The following CALCB variants were observed in gnomAD, a reference collection of about 807,000 sequenced individuals.
The protein encoded by CALCB is calcitonin related polypeptide beta.
In CALCB, 8 loss-of-function variants were observed where a neutral mutation model predicts 10.7. That is an observed-to-expected ratio of 0.75 (90% CI 0.44 to 1.34). The LOEUF (loss-of-function observed/expected upper bound fraction) is 1.34, where lower values mean the gene tolerates loss of function less well. CALCB is among the 40% of genes most tolerant of loss of function. The probability of loss-of-function intolerance (pLI) is 0.01; values close to 1 mark genes in which losing one functional copy is unlikely to be tolerated. For missense variants in CALCB, 176 were observed against 162.5 expected (o/e 1.08, Z -0.45); for synonymous variants, 76 against 66.9 (o/e 1.14, Z -0.66).
Position 15,078,396 on chromosome 11 carries a change from G to T in CALCB, c.*339G>T, listed in dbSNP as rs1850414404. The T allele has an allele frequency of 6.6e-6, 1 of 152,178 alleles. No homozygotes were observed. Among genetic ancestry groups the T allele is most frequent in the Non-Finnish European group, 1.5e-5 (1 of 68,034 alleles). 9.4% of individuals were successfully genotyped at this position (152,178 alleles called of 1,614,324 possible). On this transcript the variant is annotated 3_prime_UTR_variant, in exon 5 of 5. Transcript: ENST00000324229. ...AACCTTAGGGGGACGTGAAATCACT[G>T]CCTGTTGTGGTCTCCGAGGACACAT...
At chr11:15,075,480 A>G (rs1850385916) in intron 3 of CALCB, among the ~76,000 whole-genome samples, 2 of 152,346 alleles carry the variant, frequency 1.3e-5, no homozygotes, top group Admixed American at 1.3e-4. Flanking sequence ...GTGAAAACTG[A>G]TAGAAAATGA....
chr11:15,077,376 G>T lies in CALCB; in HGVS notation c.315G>T (p.Lys105Asn). The T allele has an allele frequency of 6.2e-7, 1 of 1,614,262 alleles. No individual in the cohort carries two copies. Among genetic ancestry groups the T allele is most frequent in the African/African-American group, 1.3e-5 (1 of 75,070 alleles). ...TGAGCAGATCAGGGGGCATGGTGAAGAGCAACTTCGTGCCCACCAATGTGG... is the reference window on the plus strand; with the variant it reads ...TGAGCAGATCAGGGGGCATGGTGAATAGCAACTTCGTGCCCACCAATGTGG... ...GLLSRSGGMV[K>N]SNFVPTNVGS... Residue 105 changes from lysine (K) to asparagine (N), a missense_variant, in exon 4 of 5, where the codon AAG (lysine) becomes AAT (asparagine). By Grantham distance (94) the Lys-to-Asn change is moderately conservative. Coordinates refer to ENST00000324229, the MANE Select transcript of CALCB (RefSeq NM_000728.4).
chr11:15,074,776 G>C lies in CALCB; in HGVS notation c.58G>C (p.Ala20Pro). ...TCTCAGTATCTTGGTCCTGTACCAGGCGGGCAGCCTCCAGGCGGCGCCATT... is the reference window on the plus strand; with the variant it reads ...TCTCAGTATCTTGGTCCTGTACCAGCCGGGCAGCCTCCAGGCGGCGCCATT... The part of the protein sequence containing the change: ...LALSILVLYQ[A>P]GSLQAAPFRS... The change falls in exon 2 of 5, where the codon GCG becomes CCG. Residue 20 changes from alanine to proline, a missense_variant. Ala to Pro is a conservative substitution (Grantham distance 27, BLOSUM62 -1). Coordinates refer to ENST00000324229, the MANE Select transcript of CALCB (RefSeq NM_000728.4). 1 of 1,614,014 alleles carries C rather than the reference G, an allele frequency of 6.2e-7. No homozygotes were observed. The highest frequency in any genetic ancestry group is 1.1e-5 in the South Asian group (1 of 91,048).
At chr11:15,074,685 T>C in intron 1 of CALCB, 25 bp from the exon 2 acceptor site, 1 of 1,568,472 alleles carries the variant, frequency 6.4e-7, no homozygotes, top group Non-Finnish European at 8.8e-7. Context: ...GCTGGTGCAG[T>C]AGTAACGTCA....
At position 15,074,729 on chromosome 11, in the gene CALCB, G is replaced by A. The variant is rs770182897; in HGVS notation, c.11G>A (p.Arg4Gln). The change falls in exon 2 of 5, where the codon CGG becomes CAG. Residue 4 changes from arginine (R) to glutamine (Q), a missense_variant. Arg to Gln is a conservative substitution (Grantham distance 43). Transcript: ENST00000324229. ...TTACAGAGAGGCGGCATGGGTTTCC[G>A]GAAGTTCTCCCCCTTCCTGGCTCTC... MGFRKFSPFLALSI... is the reference protein window; with the variant it reads MGFQKFSPFLALSI... 6 of 1,613,868 alleles carry A rather than the reference G, an allele frequency of 3.7e-6. No homozygotes were observed. The East Asian group carries it at 1.3e-4, about 36-fold the overall frequency.
At chr11:15,078,047 C>T (rs1407349320) in intron 4 of CALCB, 36 bp from the exon 5 acceptor site, 2 of 152,086 alleles carry the variant, frequency 1.3e-5, no homozygotes, top group Non-Finnish European at 2.9e-5. Context: ...TCCTCCCCTT[C>T]TTCTCCCTCC....
intron 4 of CALCB, among the ~76,000 whole-genome samples, chr11:15,077,772 C>A (rs201330401): frequency 6.6e-6 from 1 of 152,182 alleles, no homozygotes; most frequent in African/African-American, 2.4e-5. Context: ...TCAGAAAGGG[C>A]TCAACCCTTG....
At chr11:15,076,276 TCGG>T in intron 3 of CALCB, among the ~76,000 whole-genome samples, 1 of 152,298 alleles carries the variant, frequency 6.6e-6, no homozygotes, top group Admixed American at 6.5e-5. Context: ...GGCATCAACT[TCGG>T]GCCTGAAATT....
Position 15,077,501 on chromosome 11 carries a change from G to C in CALCB, c.*25+31G>C, listed in dbSNP as rs1850407325. ...TACCCTAATGCTATGGGATAAGAGG[G>C]GGAAGGGACTTGGAGTTAAAACCTA... is the stretch of plus-strand genomic sequence containing the variant. On this transcript the variant is annotated intron_variant, in intron 4 of 4. Transcript: ENST00000324229. 8 of 1,601,146 alleles carry C rather than the reference G, an allele frequency of 5.0e-6. No homozygotes were observed. In the South Asian group the frequency reaches 7.8e-5, roughly 16 times the overall value.
At chr11:15,074,664 C>A (rs1850377040) in intron 1 of CALCB, 46 bp from the exon 2 acceptor site, 2 of 1,470,620 alleles carry the variant, frequency 1.4e-6, no homozygotes, top group African/African-American at 1.4e-5. Flanking sequence ...AGGACTGGAA[C>A]CTAGATCTGT....
chr11:15,074,649 G>C (rs1850376931), intron 1 of CALCB, 61 bp from the exon 2 acceptor site: 1 of 1,309,022 alleles, frequency 7.6e-7, no homozygotes, highest in Non-Finnish European at 1.1e-6. Flanking sequence ...AGTTGTGGCA[G>C]AGGCAGGACT....
At chr11:15,077,500 G>A (rs199760804) in intron 4 of CALCB, 30 bp downstream of exon 4, 9 of 1,601,920 alleles carry the variant, frequency 5.6e-6, no homozygotes, top group East Asian at 2.2e-5. Context: ...GGGATAAGAG[G>A]GGGAAGGGAC....
intron 1 of CALCB, 27 bp downstream of exon 1, chr11:15,073,690 G>C (rs1162907069): frequency 6.6e-6 from 1 of 152,402 alleles, no homozygotes; most frequent in Non-Finnish European, 1.5e-5. Flanking sequence ...TCCCCATTCC[G>C]CTCACTCGAA....
chr11:15,074,798 C>A lies in CALCB; in HGVS notation c.80C>A (p.Pro27Gln). ...LYQAGSLQAA[P>Q]FRSALESSPD... ...CAGGCGGGCAGCCTCCAGGCGGCGCCATTCAGGTGAGACAGCCTGGAGCCA... is the reference window on the plus strand; with the variant it reads ...CAGGCGGGCAGCCTCCAGGCGGCGCAATTCAGGTGAGACAGCCTGGAGCCA... The change falls in exon 2 of 5, where the codon CCA becomes CAA. Residue 27 changes from proline (P) to glutamine (Q), a missense_variant. Pro to Gln is a moderately conservative substitution (Grantham distance 76, BLOSUM62 -1). Coordinates refer to ENST00000324229, the MANE Select transcript of CALCB (RefSeq NM_000728.4). The A allele has an allele frequency of 6.2e-7, 1 of 1,613,576 alleles. No homozygotes were observed. The highest frequency in any genetic ancestry group is 8.5e-7 in the Non-Finnish European group (1 of 1,179,674).
At chr11:15,073,943 T>C (rs1251908277) in intron 1 of CALCB, among the ~76,000 whole-genome samples, 2 of 152,188 alleles carry the variant, frequency 1.3e-5, no homozygotes, top group South Asian at 2.1e-4. Flanking sequence ...AGCCCTGGCG[T>C]TGGGGCCTGG....
chr11:15,074,604 A>C, intron 1 of CALCB, 106 bp from the exon 2 acceptor site: 1 of 790,994 alleles, frequency 1.3e-6, no homozygotes, highest in Non-Finnish European at 2.1e-6. Context: ...ACAGAGGCTC[A>C]GGCAGCTGAA....
chr11:15,075,800 C>G (rs1850389074), intron 3 of CALCB, among the ~76,000 whole-genome samples: 1 of 152,134 alleles, frequency 6.6e-6, no homozygotes, highest in African/African-American at 2.4e-5. Flanking sequence ...GGGAGAGCAC[C>G]GTTTCCCAGA....
At position 15,074,597 on chromosome 11, in the gene CALCB, G is replaced by A. The variant is rs977872271; in HGVS notation, c.-9-113G>A. ...GCCCTTCCTGCAAATGAAGGGAACA[G>A]AGGCTCAGGCAGCTGAAGTAACGTG... On this transcript the variant is annotated intron_variant, in intron 1 of 4. Transcript: ENST00000324229. The A allele has an allele frequency of 5.3e-6, 4 of 750,102 alleles. No homozygotes were observed. The Admixed American group carries it at 7.4e-5, about 14-fold the overall frequency. 46.5% of individuals were successfully genotyped at this position (750,102 alleles called of 1,614,324 possible). A position where few individuals can be genotyped will look rare whatever the true frequency, so the allele number is the denominator to read the frequency against.
At chr11:15,077,136 G>A in intron 3 of CALCB, 150 bp from the exon 4 acceptor site, 1 of 808,472 alleles carries the variant, frequency 1.2e-6, no homozygotes, top group Non-Finnish European at 1.9e-6. Context: ...AGACTGCCAG[G>A]CCATTTCCCC....
Sources: gnomAD v4.1 joint callset for allele counts (sites outside exome capture counted in the v4.1 genomes callset) on GRCh38, gnomAD v4.1.1 for gene constraint, MANE v1.5 for transcripts, NCBI Gene and HGNC (gene_info 2026-07-23, HGNC 2026-07-21) for gene names.